RTN4: variants seen among roughly 807,000 people sequenced by gnomAD.
RTN4 encodes reticulon-4.
RTN4 carries 32 observed loss-of-function variants against 90.4 expected under a neutral mutation model. That is an observed-to-expected ratio of 0.35 (90% CI 0.27 to 0.48). The LOEUF is 0.48. Among genes scored for constraint, RTN4 ranks in the 20% least tolerant of loss-of-function variants. The pLI is 0.99. For missense variants in RTN4, 1,706 were observed against 1,430.2 expected, an observed-to-expected ratio of 1.19 and a Z score of -3.11; for synonymous variants, 629 against 552.5, an observed-to-expected ratio of 1.14 and a Z score of -1.94.
At chr2:55,018,041 T>C (rs12477711) in intron 3 of RTN4, among the ~76,000 whole-genome samples, 75,598 of 152,066 alleles carry the variant, frequency 0.5, 19,209 homozygotes, top group South Asian at 0.57. Context: ...GTTAGCCCAA[T>C]GTCTGAAACA....
At chr2:55,129,122 G>GA in the RTN4 span, among the ~76,000 whole-genome samples, 26 of 112,206 alleles carry the variant, frequency 2.3e-4, 1 homozygote, top group African/African-American at 4.7e-4. Context: ...AAAAAAAAAA[G>GA]AAAAAAAAAA....
chr2:55,012,777 T>C (rs1301197247), intron 3 of RTN4, among the ~76,000 whole-genome samples: 1 of 152,174 alleles, frequency 6.6e-6, no homozygotes, highest in Non-Finnish European at 1.5e-5. Flanking sequence ...ACCCAATCTT[T>C]CTAAACAGAA....
the RTN4 span, among the ~76,000 whole-genome samples, chr2:55,129,866 G>C: frequency 6.6e-6 from 1 of 151,854 alleles, no homozygotes; most frequent in African/African-American, 2.4e-5. Flanking sequence ...CGGTCAACTC[G>C]TCTTTTAAAA....
At position 55,025,764 on chromosome 2, in the gene RTN4, T is replaced by C. The variant is rs372826207; in HGVS notation, c.2335A>G (p.Met779Val). ...TTTTCCTTATTTTCATATTCTATCA[T>C]TGACTCAAATGAAGTCTCAGTGAGA... ...ESLTETSFES[M>V]IEYENKEKLS... The change falls in exon 3 of 9, where the codon ATG becomes GTG. Residue 779 changes from methionine (M) to valine (V), a missense_variant. Transcript: ENST00000337526. 20 of 1,613,380 alleles carry C rather than the reference T, an allele frequency of 1.2e-5. No homozygotes were observed. Among genetic ancestry groups the C allele is most frequent in the African/African-American group, 8.0e-5 (6 of 74,868 alleles).
At chr2:54,979,352 A>G (rs1677934100) in intron 5 of RTN4, among the ~76,000 whole-genome samples, 1 of 152,104 alleles carries the variant, frequency 6.6e-6, no homozygotes, top group African/African-American at 2.4e-5. Flanking sequence ...GCTACTGTGC[A>G]TGGCCAGGAA....
rs187305754 is a variant in RTN4 at position 55,073,537 on chromosome 2, C to T, written c.-63+6952G>A. Among the ~76,000 whole-genome samples, 157 of 152,288 alleles carry T rather than the reference C, an allele frequency of 1.0e-3. 1 individual carries two copies. The highest frequency in any genetic ancestry group is 0.01 in the Middle Eastern group (3 of 294). On this transcript the variant is annotated intron_variant, in intron 2 of 3. Coordinates refer to the RTN4 transcript ENST00000427710. Reference sequence around the variant, plus strand: ...AATGCCTAAAAACCAACCCCAGTATCTTTGGGAAGCAATTCTGGGAATTAC... The same window carrying T: ...AATGCCTAAAAACCAACCCCAGTATTTTTGGGAAGCAATTCTGGGAATTAC...
At chr2:55,044,537 T>C (rs1173369766) in intron 1 of RTN4, among the ~76,000 whole-genome samples, 1 of 152,132 alleles carries the variant, frequency 6.6e-6, no homozygotes, top group African/African-American at 2.4e-5. Flanking sequence ...AGTGAGACCA[T>C]TGTTTTTTGG....
At chr2:54,993,738 C>G (rs995662114) in intron 3 of RTN4, among the ~76,000 whole-genome samples, 1 of 152,086 alleles carries the variant, frequency 6.6e-6, no homozygotes, top group Non-Finnish European at 1.5e-5. Context: ...GCCATCAGAC[C>G]CTTTAGAGCC....
chr2:55,028,542 T>A (rs1419023885), intron 1 of RTN4, among the ~76,000 whole-genome samples: 1 of 152,188 alleles, frequency 6.6e-6, no homozygotes, highest in African/African-American at 2.4e-5. Context: ...ATCCCAAGCT[T>A]TCACTCAGGT....
Position 55,025,744 on chromosome 2 carries a change from C to T in RTN4, c.2355G>A (p.Lys785=). 6.2e-7 allele frequency: 1 copy of T among 1,613,448 alleles called. No individual in the cohort carries two copies. The highest frequency in any genetic ancestry group is 2.2e-5 in the East Asian group (1 of 44,858). The change falls in exon 3 of 9, where the codon AAG becomes AAA. Residue 785 remains lysine, a synonymous_variant. Transcript: ENST00000337526. ...CAGGTGGCAAAGCACTGAGTTTTTC[C>T]TTATTTTCATATTCTATCATTGACT... is the stretch of plus-strand genomic sequence containing the variant. ...SFESMIEYEN[K]EKLSALPPEG...
At chr2:55,048,509 T>C (rs1667900862) in intron 1 of RTN4, among the ~76,000 whole-genome samples, 1 of 152,104 alleles carries the variant, frequency 6.6e-6, no homozygotes, top group Admixed American at 6.5e-5. Flanking sequence ...TATTTTTTTT[T>C]TAACTTTTGT....
At chr2:55,023,402 GAACT>G (rs2104847829) in intron 3 of RTN4, among the ~76,000 whole-genome samples, 1 of 152,194 alleles carries the variant, frequency 6.6e-6, no homozygotes, top group African/African-American at 2.4e-5. Flanking sequence ...CCCAGCAAAT[GAACT>G]AACATACTGC....
intron 1 of RTN4, among the ~76,000 whole-genome samples, chr2:55,040,091 C>T (rs1473721271): frequency 6.6e-6 from 1 of 152,124 alleles, no homozygotes; most frequent in Non-Finnish European, 1.5e-5. Flanking sequence ...TGGCAGATCT[C>T]TGTGCAGTAC....
chr2:55,120,561 C>T, the RTN4 span, among the ~76,000 whole-genome samples: 1 of 152,032 alleles, frequency 6.6e-6, no homozygotes, highest in Non-Finnish European at 1.5e-5. Context: ...ACAACTTGAA[C>T]CTGACCAAAT....
chr2:55,122,818 G>C, the RTN4 span, among the ~76,000 whole-genome samples: 1 of 152,240 alleles, frequency 6.6e-6, no homozygotes, highest in African/African-American at 2.4e-5. Flanking sequence ...CCCAGAGCCT[G>C]TCCCTGCACC....
At chr2:54,997,126 A>G (rs1348245557) in intron 3 of RTN4, among the ~76,000 whole-genome samples, 1 of 152,230 alleles carries the variant, frequency 6.6e-6, no homozygotes, top group Non-Finnish European at 1.5e-5. Flanking sequence ...ATTCTCTGAT[A>G]AGAGACTTGT....
At chr2:54,986,121 G>C (rs1279766318) in intron 4 of RTN4, among the ~76,000 whole-genome samples, 3 of 152,174 alleles carry the variant, frequency 2.0e-5, no homozygotes, top group Admixed American at 2.0e-4. Flanking sequence ...CAAAACTCTG[G>C]AAGGGGTAAA....
At chr2:55,004,705 G>A (rs6715980) in intron 3 of RTN4, among the ~76,000 whole-genome samples, 27,426 of 151,950 alleles carry the variant, frequency 0.18, 4,723 homozygotes, top group African/African-American at 0.46. Flanking sequence ...TTGACAAGCT[G>A]CACCAAGTCA....
chr2:55,095,575 T>C (rs765857019), intron 1 of RTN4, among the ~76,000 whole-genome samples: 2 of 152,138 alleles, frequency 1.3e-5, no homozygotes, highest in Non-Finnish European at 2.9e-5. Flanking sequence ...TATAAGTGGC[T>C]TAATGAGGGC....
Sources: gnomAD v4.1 joint callset for allele counts (sites outside exome capture counted in the v4.1 genomes callset) on GRCh38, gnomAD v4.1.1 for gene constraint, MANE v1.5 for transcripts, NCBI Gene and HGNC (gene_info 2026-07-23, HGNC 2026-07-21) for gene names.